PTPRM: variants seen among roughly 807,000 people sequenced by gnomAD.
PTPRM encodes receptor-type tyrosine-protein phosphatase mu.
In PTPRM, 47 loss-of-function variants were observed where a neutral mutation model predicts 186.7. That is an observed-to-expected ratio of 0.25 (90% CI 0.20 to 0.32). PTPRM has a LOEUF of 0.32. PTPRM is among the 10% of genes least tolerant of loss of function. The pLI, the probability that PTPRM is intolerant of heterozygous loss-of-function variation, is 1.00. For missense variants in PTPRM, 1,494 were observed against 1,865.0 expected, an observed-to-expected ratio of 0.80 and a Z score of 3.66; for synonymous variants, 668 against 674.9, an observed-to-expected ratio of 0.99 and a Z score of 0.16.
intron 2 of PTPRM, among the ~76,000 whole-genome samples, chr18:7,808,074 G>A (rs915754963): frequency 6.6e-6 from 1 of 152,222 alleles, no homozygotes; most frequent in Non-Finnish European, 1.5e-5. Flanking sequence ...GAACCCTGGT[G>A]GTTGTGAGCG....
intron 1 of PTPRM, among the ~76,000 whole-genome samples, chr18:7,615,457 C>G (rs2037779762): frequency 6.6e-6 from 1 of 152,052 alleles, no homozygotes; most frequent in South Asian, 2.1e-4. Flanking sequence ...TCCGAAAGGC[C>G]CTGTGTCATG....
At chr18:8,340,163 A>C (rs1014596658) in intron 22 of PTPRM, among the ~76,000 whole-genome samples, 1 of 152,222 alleles carries the variant, frequency 6.6e-6, no homozygotes, top group Non-Finnish European at 1.5e-5. Flanking sequence ...TGTTGGCTGC[A>C]CAGCGCCCCG....
At chr18:7,589,149 A>G (rs139927641) in intron 1 of PTPRM, among the ~76,000 whole-genome samples, 5 of 152,260 alleles carry the variant, frequency 3.3e-5, no homozygotes, top group Non-Finnish European at 7.4e-5. Context: ...CATCCATCCC[A>G]TTGTTTTACT....
At chr18:7,929,608 G>C (rs2051362725) in intron 5 of PTPRM, among the ~76,000 whole-genome samples, 1 of 152,202 alleles carries the variant, frequency 6.6e-6, no homozygotes, top group African/African-American at 2.4e-5. Flanking sequence ...TAGGCATTTT[G>C]TGGGGAAATA....
rs1449122487 is a variant in PTPRM, at chr18:8,376,360, T to A, written c.3327-102T>A. 3.8e-6 allele frequency: 6 copies of A among 1,572,410 alleles called. No homozygotes were observed. In the East Asian group the frequency reaches 9.0e-5, roughly 24 times the overall value. On this transcript the variant is annotated intron_variant, in intron 25 of 32. Coordinates refer to ENST00000580170, the MANE Select transcript of PTPRM (RefSeq NM_001105244.2). ...ACTGGAGTGTACCTTTTAAGAGGTT[T>A]AATTTTATATTATGTAAATTTCACC...
chr18:8,372,407 T>G (rs866098921), intron 24 of PTPRM, among the ~76,000 whole-genome samples: 4 of 152,196 alleles, frequency 2.6e-5, no homozygotes, highest in Non-Finnish European at 5.9e-5. Context: ...CTAAATGCGC[T>G]TTTTAGATGA....
intron 14 of PTPRM, among the ~76,000 whole-genome samples, chr18:8,210,006 AAAAAAAAAAAAAAG>A (rs2093981618): frequency 1.5e-5 from 2 of 135,158 alleles, no homozygotes; most frequent in South Asian, 2.3e-4. Flanking sequence ...AAAAAAAAAA[AAAAAAAAAAAAAAG>A]GTGCTCGGGC....
At position 8,227,850 on chromosome 18, in the gene PTPRM, GA is replaced by G. The variant is rs2094233558; in HGVS notation, c.2301-16207del. Reference sequence around the variant, plus strand: ...GCAGCATAAGCCAGCTGTGAGTGGGGACCCACTATCACTAATGTCACTTGAT... The same window carrying G: ...GCAGCATAAGCCAGCTGTGAGTGGGGCCCACTATCACTAATGTCACTTGAT... On this transcript the variant is annotated intron_variant, in intron 14 of 32. Coordinates refer to ENST00000580170, the MANE Select transcript of PTPRM (RefSeq NM_001105244.2). Among the ~76,000 whole-genome samples, 4 of 152,244 alleles carry G rather than the reference GA, an allele frequency of 2.6e-5. No homozygotes were observed. The South Asian group carries it at 8.3e-4, about 32-fold the overall frequency.
chr18:7,955,079 A>G (rs781215775), intron 6 of PTPRM, 42 bp from the exon 7 acceptor site: 7 of 1,535,542 alleles, frequency 4.6e-6, no homozygotes, highest in Non-Finnish European at 6.2e-6. Context: ...TTAAGACTGA[A>G]GACAAAGCAT....
intron 14 of PTPRM, among the ~76,000 whole-genome samples, chr18:8,170,945 C>T (rs917683581): frequency 6.6e-6 from 1 of 152,178 alleles, no homozygotes; most frequent in African/African-American, 2.4e-5. Flanking sequence ...TGCAGATGCC[C>T]TGCAGCAAAA....
chr18:7,883,109 A>G (rs1020334109), intron 2 of PTPRM, among the ~76,000 whole-genome samples: 1 of 152,200 alleles, frequency 6.6e-6, no homozygotes, highest in Admixed American at 6.5e-5. Flanking sequence ...TTTGCCTGCA[A>G]TGGTATATTT....
intron 1 of PTPRM, among the ~76,000 whole-genome samples, chr18:7,583,246 T>C (rs1477512196): frequency 1.3e-5 from 2 of 152,226 alleles, no homozygotes; most frequent in African/African-American, 4.8e-5. Flanking sequence ...AATGTGACAA[T>C]TGCATGCCAC....
chr18:8,390,965 TAATAAA>T (rs1355120056), intron 31 of PTPRM, among the ~76,000 whole-genome samples: 4 of 146,320 alleles, frequency 2.7e-5, no homozygotes, highest in African/African-American at 1.0e-4. Flanking sequence ...ATAATAATAA[TAATAAA>T]GATGTCCCGA....
chr18:8,143,534 C>A, intron 13 of PTPRM, 113 bp from the exon 14 acceptor site: 1 of 1,103,478 alleles, frequency 9.1e-7, no homozygotes, highest in Non-Finnish European at 1.3e-6. Context: ...TGTCTGTCTG[C>A]TGGCTCTGAT....
intron 22 of PTPRM, among the ~76,000 whole-genome samples, chr18:8,329,414 A>G (rs2095398794): frequency 6.6e-6 from 1 of 152,224 alleles, no homozygotes; most frequent in Non-Finnish European, 1.5e-5. Flanking sequence ...GAGAAACGTC[A>G]TATGTTAAGA....
At chr18:8,138,955 T>C (rs1346722843) in intron 13 of PTPRM, among the ~76,000 whole-genome samples, 1 of 151,976 alleles carries the variant, frequency 6.6e-6, no homozygotes, top group African/African-American at 2.4e-5. Flanking sequence ...CTGAGTTCCA[T>C]CCTCCTTGAC....
intron 7 of PTPRM, among the ~76,000 whole-genome samples, chr18:8,010,665 T>C (rs1472351757): frequency 6.6e-6 from 1 of 151,970 alleles, no homozygotes; most frequent in Non-Finnish European, 1.5e-5. Context: ...CTTGGTGAGA[T>C]GGAGGGAGAG....
At chr18:7,604,216 A>G (rs1188886681) in intron 1 of PTPRM, among the ~76,000 whole-genome samples, 1 of 152,206 alleles carries the variant, frequency 6.6e-6, no homozygotes, top group Non-Finnish European at 1.5e-5. Context: ...CATGCCGAGC[A>G]GGGCTTTACA....
At chr18:8,294,306 G>A (rs1021563768) in intron 19 of PTPRM, among the ~76,000 whole-genome samples, 6 of 152,144 alleles carry the variant, frequency 3.9e-5, no homozygotes, top group African/African-American at 1.2e-4. Context: ...AAAGGAAAGA[G>A]GTTTAATTGA....
Sources: gnomAD v4.1 joint callset for allele counts (sites outside exome capture counted in the v4.1 genomes callset) on GRCh38, gnomAD v4.1.1 for gene constraint, MANE v1.5 for transcripts, NCBI Gene and HGNC (gene_info 2026-07-23, HGNC 2026-07-21) for gene names.